The following PRH1 variants were observed in gnomAD, a reference collection of about 807,000 sequenced individuals.
PRH1 encodes proline rich protein HaeIII subfamily 1.
PRH1 carries 7 observed loss-of-function variants against 7.9 expected under a neutral mutation model. The ratio of observed to expected loss-of-function variants is 0.89; its 90% confidence interval spans 0.50 to 1.67. The LOEUF is 1.67. Among genes scored for constraint, PRH1 ranks in the 40% most tolerant of loss-of-function variants. The pLI is 0.00. For synonymous variants in PRH1, 45 were observed against 80.8 expected (o/e 0.56, Z 2.38); for missense variants, 109 against 223.6 (o/e 0.49, Z 3.27).
At chr12:11,168,272 GAAAGAAAGAAAGAAAGAAAGAAA>G (rs1947666122) in intron 1 of PRH1, among the ~76,000 whole-genome samples, 3 of 32,006 alleles carry the variant, frequency 9.4e-5, no homozygotes, top group African/African-American at 1.7e-4. Context: ...AAGAAAGAAA[GAAAGAAAGAAAGAAAGAAAGAAA>G]GAAAGAAGGA....
intron 1 of PRH1, among the ~76,000 whole-genome samples, chr12:11,044,821 A>T (rs143171167): frequency 1.4e-3 from 206 of 152,302 alleles, no homozygotes; most frequent in African/African-American, 4.9e-3. Context: ...GCTGGTGAAG[A>T]TGTGGAGAAA....
At chr12:10,908,402 T>C in intron 2 of PRH1, 3 of 1,612,506 alleles carry the variant, frequency 1.9e-6, no homozygotes, top group Non-Finnish European at 2.5e-6. Context: ...GTTTAGCCCA[T>C]ACCTTAGCTG....
At chr12:11,142,782 G>C (rs753083904) in intron 1 of PRH1, among the ~76,000 whole-genome samples, 5 of 152,158 alleles carry the variant, frequency 3.3e-5, no homozygotes, top group Non-Finnish European at 5.9e-5. Flanking sequence ...AAAAGGCCAG[G>C]AGACAGTGGC....
chr12:11,024,480 A>G (rs1389665965), intron 1 of PRH1, among the ~76,000 whole-genome samples: 3 of 152,250 alleles, frequency 2.0e-5, no homozygotes, highest in East Asian at 1.9e-4. Context: ...CCAATAAGGT[A>G]TTCGACCCTA....
chr12:11,145,255 A>G (rs6488351), intron 1 of PRH1, among the ~76,000 whole-genome samples: 69,174 of 152,020 alleles, frequency 0.46, 16,549 homozygotes, highest in Non-Finnish European at 0.53. Context: ...ACAGTGGCGC[A>G]ATCTCGGGTC....
At chr12:11,159,433 G>A (rs1219511982) in intron 1 of PRH1, 1 of 150,644 alleles carries the variant, frequency 6.6e-6, no homozygotes, top group Non-Finnish European at 1.5e-5. Context: ...AATGCCCAAA[G>A]AATAGTAAAC....
intron 2 of PRH1, among the ~76,000 whole-genome samples, chr12:10,966,920 C>T (rs1424438369): frequency 6.6e-6 from 1 of 152,080 alleles, no homozygotes; most frequent in Admixed American, 6.6e-5. Context: ...TCGAGACCAT[C>T]CTGGCTAACA....
chr12:10,922,615 T>C (rs1950061739), intron 2 of PRH1, among the ~76,000 whole-genome samples: 1 of 152,126 alleles, frequency 6.6e-6, no homozygotes, highest in African/African-American at 2.4e-5. Flanking sequence ...CATAAAAGTA[T>C]TGAATTAATT....
At position 11,033,128 on chromosome 12, in the gene PRH1, C is replaced by T. The variant is rs143770328; in HGVS notation, c.-126+13892G>A. 4.5e-3 allele frequency among the ~76,000 whole-genome samples: 681 copies of T among 152,130 alleles called. 2 individuals are homozygous for T. Among genetic ancestry groups the T allele is most frequent in the African/African-American group, 0.015 (641 of 41,506 alleles). Reference sequence around the variant, plus strand: ...AAATAAAATCCAGGCCCAGCGCAGGCGAGGTTGAGGAAGGCAGATTACGAG... The same window carrying T: ...AAATAAAATCCAGGCCCAGCGCAGGTGAGGTTGAGGAAGGCAGATTACGAG... On this transcript the variant is annotated intron_variant, in intron 1 of 3. Coordinates refer to the PRH1 transcript ENST00000539853.
intron 2 of PRH1, chr12:10,973,453 A>T: frequency 2.3e-6 from 1 of 430,920 alleles, no homozygotes; most frequent in South Asian, 6.1e-5. Context: ...ATGAACTTAG[A>T]CTATATTTTA....
At chr12:11,103,297 C>T (rs1945311161) in intron 1 of PRH1, among the ~76,000 whole-genome samples, 1 of 152,094 alleles carries the variant, frequency 6.6e-6, no homozygotes, top group Non-Finnish European at 1.5e-5. Flanking sequence ...CCCAAATGCC[C>T]ATCAATGATA....
chr12:10,901,150 G>A (rs1238463379), intron 2 of PRH1, among the ~76,000 whole-genome samples: 2 of 152,150 alleles, frequency 1.3e-5, no homozygotes, highest in African/African-American at 4.8e-5. Flanking sequence ...GTACTGGGCT[G>A]ATCCTCTCTG....
At chr12:11,110,912 C>G (rs1174992350) in intron 1 of PRH1, among the ~76,000 whole-genome samples, 1 of 152,168 alleles carries the variant, frequency 6.6e-6, no homozygotes, top group African/African-American at 2.4e-5. Context: ...AAACCCATCT[C>G]ATGTGCAAAG....
intron 1 of PRH1, among the ~76,000 whole-genome samples, chr12:11,025,626 T>C (rs78158436): frequency 0.13 from 18,943 of 150,202 alleles, no homozygotes; most frequent in Non-Finnish European, 0.15. Flanking sequence ...TCTCTTGCTC[T>C]ATTTTCTCTC....
chr12:10,939,060 C>T, intron 2 of PRH1: 1 of 1,613,998 alleles, frequency 6.2e-7, no homozygotes, highest in South Asian at 1.1e-5. Flanking sequence ...ATTGCCAAAG[C>T]AGTGAGGATC....
upstream of PRH1, chr12:10,884,278 T>C: frequency 6.2e-7 from 1 of 1,607,954 alleles, no homozygotes; most frequent in Non-Finnish European, 8.5e-7. Flanking sequence ...TCAGCTCCCT[T>C]TATAAAGACA....
chr12:11,143,218 TAG>T (rs1238061437), intron 1 of PRH1, among the ~76,000 whole-genome samples: 1 of 152,200 alleles, frequency 6.6e-6, no homozygotes, highest in Non-Finnish European at 1.5e-5. Context: ...TGTTAAGGTG[TAG>T]AGTCTTCATT....
chr12:11,161,325 T>C (rs1482101972), intron 1 of PRH1, among the ~76,000 whole-genome samples: 2 of 152,212 alleles, frequency 1.3e-5, no homozygotes, highest in Non-Finnish European at 2.9e-5. Flanking sequence ...GTGATGCAGT[T>C]TGTCTACCCA....
At chr12:11,038,490 T>TA (rs1942548867) in intron 1 of PRH1, among the ~76,000 whole-genome samples, 1 of 152,276 alleles carries the variant, frequency 6.6e-6, no homozygotes, top group African/African-American at 2.4e-5. Flanking sequence ...AAACTTTATG[T>TA]AAATGAGATT....
Sources: gnomAD v4.1 joint callset for allele counts (sites outside exome capture counted in the v4.1 genomes callset) on GRCh38, gnomAD v4.1.1 for gene constraint, MANE v1.5 for transcripts, NCBI Gene and HGNC (gene_info 2026-07-23, HGNC 2026-07-21) for gene names.